The following SMG6 variants were observed in gnomAD, a reference collection of about 807,000 sequenced individuals.
The protein encoded by SMG6 is telomerase-binding protein EST1A.
Under a neutral mutation model 142.2 loss-of-function variants are expected in SMG6, and 66 were observed. The ratio of observed to expected loss-of-function variants is 0.46; its 90% CI spans 0.38 to 0.57. SMG6 has a LOEUF of 0.57. SMG6 is among the 20% of genes least tolerant of loss of function. The pLI, the probability that SMG6 is intolerant of heterozygous loss-of-function variation, is 0.00. For missense variants in SMG6, 1,793 were observed against 1,832.0 expected (o/e 0.98, Z 0.39); for synonymous variants, 779 against 702.4 (o/e 1.11, Z -1.72).
chr17:2,210,676 A>G (rs771022748), intron 10 of SMG6, among the ~76,000 whole-genome samples: 1 of 151,796 alleles, frequency 6.6e-6, no homozygotes, highest in Admixed American at 6.6e-5. Flanking sequence ...CCCAAGAAAC[A>G]GGCAGAGAGG....
Position 2,159,163 on chromosome 17 carries a change from G to A in SMG6, c.3357+13495C>T, listed in dbSNP as rs147551992. On this transcript the variant is annotated intron_variant, in intron 13 of 18. Coordinates refer to ENST00000263073, the MANE Select transcript of SMG6 (RefSeq NM_017575.5). ...TGGCCAGGCACAGTGGCTCACGCCT[G>A]TAATCTCAGCACTTTGGGAGGCCGA... Among the ~76,000 whole-genome samples the A allele has an allele frequency of 5.8e-3, 885 of 152,210 alleles. 6 individuals carry two copies. The highest frequency in any genetic ancestry group is 0.02 in the African/African-American group (846 of 41,522).
intron 8 of SMG6, among the ~76,000 whole-genome samples, chr17:2,257,287 C>T (rs35691028): frequency 0.59 from 89,139 of 151,634 alleles, 27,124 homozygotes; most frequent in East Asian, 0.75. Flanking sequence ...GATTTCACCA[C>T]GTTGGCCAGG....
At chr17:2,112,112 G>C (rs1173139293) in intron 13 of SMG6, among the ~76,000 whole-genome samples, 2 of 151,958 alleles carry the variant, frequency 1.3e-5, no homozygotes, top group Non-Finnish European at 2.9e-5. Flanking sequence ...GGTAGGTATA[G>C]TCTTCATTAG....
intron 10 of SMG6, 67 bp from the exon 11 acceptor site, chr17:2,188,582 C>T (rs2072065487): frequency 5.0e-6 from 7 of 1,392,670 alleles, no homozygotes; most frequent in African/African-American, 1.4e-5. Context: ...GGCCACGTTA[C>T]CGAGCTTCCT....
At position 2,279,502 on chromosome 17, in the gene SMG6, T is replaced by C. The variant is rs545054908; in HGVS notation, c.2661+3145A>G. 3.9e-5 allele frequency among the ~76,000 whole-genome samples: 6 copies of C among 152,148 alleles called. No individual in the cohort carries two copies. In the East Asian group the frequency reaches 1.2e-3, roughly 29 times the overall value. On this transcript the variant is annotated intron_variant, in intron 8 of 18. Transcript: ENST00000263073. ...TTGGAAGTTCATTCATTTGGGTTAC[T>C]GTCTAAAATGAAAGGCCAGAAGAGG...
At chr17:2,140,328 G>C (rs538112158) in intron 13 of SMG6, among the ~76,000 whole-genome samples, 20 of 152,234 alleles carry the variant, frequency 1.3e-4, no homozygotes, top group African/African-American at 4.8e-4. Context: ...AAGTGCTGGG[G>C]TTACAGGCGT....
chr17:2,257,680 T>C (rs1434256458), intron 8 of SMG6, among the ~76,000 whole-genome samples: 3 of 152,036 alleles, frequency 2.0e-5, no homozygotes, highest in Non-Finnish European at 4.4e-5. Context: ...CTCGGGCCTT[T>C]GTATTTATCT....
chr17:2,186,092 G>A (rs1165424803), intron 12 of SMG6, among the ~76,000 whole-genome samples: 1 of 151,970 alleles, frequency 6.6e-6, no homozygotes, highest in Non-Finnish European at 1.5e-5. Context: ...GCCAGGCGTG[G>A]TGGTGTGCAC....
intron 8 of SMG6, among the ~76,000 whole-genome samples, chr17:2,249,087 G>A (rs1420267847): frequency 1.3e-5 from 2 of 151,798 alleles, no homozygotes; most frequent in Non-Finnish European, 2.9e-5. Flanking sequence ...TAGAGATGGG[G>A]TTTCACCGTG....
At chr17:2,288,515 G>A (rs908232343) in intron 6 of SMG6, among the ~76,000 whole-genome samples, 1 of 150,488 alleles carries the variant, frequency 6.6e-6, no homozygotes, top group Non-Finnish European at 1.5e-5. Context: ...CCAGCTACTT[G>A]GGAGGCTGGG....
chr17:2,196,170 C>G (rs1302890952), intron 10 of SMG6, among the ~76,000 whole-genome samples: 6 of 152,166 alleles, frequency 3.9e-5, no homozygotes, highest in Admixed American at 2.6e-4. Flanking sequence ...GCCTGTAAAC[C>G]CAGCACTTCA....
At chr17:2,110,273 T>A (rs747862995) in intron 13 of SMG6, among the ~76,000 whole-genome samples, 3 of 151,842 alleles carry the variant, frequency 2.0e-5, no homozygotes, top group Non-Finnish European at 4.4e-5. Context: ...TTCAGAAACA[T>A]GGCACATGGT....
chr17:2,228,769 G>C (rs919260317), intron 10 of SMG6, among the ~76,000 whole-genome samples: 3 of 152,216 alleles, frequency 2.0e-5, no homozygotes, highest in African/African-American at 7.2e-5. Context: ...AGGTCAGGAT[G>C]ATAGTTACCT....
chr17:2,169,514 T>C (rs549771220), intron 13 of SMG6, among the ~76,000 whole-genome samples: 1 of 152,290 alleles, frequency 6.6e-6, no homozygotes, highest in East Asian at 1.9e-4. Context: ...GAAGCTCTCT[T>C]TACCAAGGTG....
intron 13 of SMG6, among the ~76,000 whole-genome samples, chr17:2,112,052 C>A (rs747434987): frequency 1.3e-5 from 2 of 152,124 alleles, no homozygotes; most frequent in Non-Finnish European, 2.9e-5. Flanking sequence ...AAATTTCTTA[C>A]AGAAGTGCCA....
At chr17:2,256,815 G>T (rs1657977884) in intron 8 of SMG6, among the ~76,000 whole-genome samples, 1 of 152,026 alleles carries the variant, frequency 6.6e-6, no homozygotes, top group Admixed American at 6.6e-5. Context: ...GATTAAATAG[G>T]TTATCCAGGC....
chr17:2,141,122 A>G (rs1444619956), intron 13 of SMG6, among the ~76,000 whole-genome samples: 1 of 152,250 alleles, frequency 6.6e-6, no homozygotes, highest in Non-Finnish European at 1.5e-5. Context: ...TTTCGGTTGC[A>G]CTAGCCACAT....
At chr17:2,269,744 A>G (rs1056840677) in intron 8 of SMG6, among the ~76,000 whole-genome samples, 1 of 152,206 alleles carries the variant, frequency 6.6e-6, no homozygotes, top group African/African-American at 2.4e-5. Flanking sequence ...CAAAATTCCA[A>G]GCAGAAACTA....
Position 2,195,385 on chromosome 17 carries a change from G to A in SMG6, c.2870-6870C>T, listed in dbSNP as rs929491628. The stretch of plus-strand genomic sequence containing the variant: ...TACAAAAGGGCAAACAAAACCCAGA[G>A]AAGGTTCTTTGATGCACTCACACTG... On this transcript the variant is annotated intron_variant, in intron 10 of 18. Transcript: ENST00000263073. 7.9e-5 allele frequency among the ~76,000 whole-genome samples: 12 copies of A among 152,188 alleles called. No homozygotes were observed. In the South Asian group the frequency reaches 1.2e-3, roughly 16 times the overall value.
Sources: allele counts gnomAD v4.1 joint callset (sites outside exome capture counted in the v4.1 genomes callset), GRCh38; gene constraint gnomAD v4.1.1; transcripts MANE v1.5; gene names NCBI Gene and HGNC (gene_info 2026-07-23, HGNC 2026-07-21).